EFCC1: variants seen among roughly 807,000 people sequenced by gnomAD.
EFCC1 encodes the protein EF-hand and coiled-coil domain containing 1.
In EFCC1, 50 loss-of-function variants were observed where a neutral mutation model predicts 52.1. The observed-to-expected ratio is 0.96, with a 90% CI of 0.76 to 1.21. The LOEUF (loss-of-function observed/expected upper bound fraction) is 1.21. Ranked by LOEUF, EFCC1 falls within the 50% of genes most tolerant of loss-of-function variation. EFCC1 has a pLI of 0.00. For missense variants in EFCC1, 837 were observed against 867.3 expected, an observed-to-expected ratio of 0.97 and a Z score of 0.44; for synonymous variants, 399 against 396.5, an observed-to-expected ratio of 1.01 and a Z score of -0.08.
chr3:129,036,873 T>C (rs1248120235), intron 5 of EFCC1, 104 bp from the exon 6 acceptor site: 3 of 1,560,546 alleles, frequency 1.9e-6, no homozygotes, highest in East Asian at 4.5e-5. Context: ...ACTCAGCTTC[T>C]CTGGGCCTCA....
intron 2 of EFCC1, among the ~76,000 whole-genome samples, chr3:129,019,127 C>A (rs1191664925): frequency 3.3e-5 from 5 of 152,234 alleles, no homozygotes; most frequent in Non-Finnish European, 7.3e-5. Context: ...CAGCTGGCCC[C>A]AGTGTGTTCT....
chr3:129,009,350 A>T (rs1395021963), intron 2 of EFCC1, among the ~76,000 whole-genome samples: 6 of 152,202 alleles, frequency 3.9e-5, no homozygotes, highest in Non-Finnish European at 8.8e-5. Flanking sequence ...ACCACGATAT[A>T]CTGAAGTTCT....
chr3:129,015,566 C>T (rs1945540064), intron 2 of EFCC1, among the ~76,000 whole-genome samples: 2 of 151,930 alleles, frequency 1.3e-5, no homozygotes, highest in Non-Finnish European at 2.9e-5. Flanking sequence ...TCACCCAGCC[C>T]AGGCTGACAC....
intron 2 of EFCC1, among the ~76,000 whole-genome samples, chr3:129,006,322 G>A (rs914433612): frequency 3.3e-5 from 5 of 152,084 alleles, no homozygotes; most frequent in South Asian, 2.1e-4. Context: ...TTTTTTGTTC[G>A]TTTGTTTGTT....
At chr3:129,002,984 G>A (rs533537156) in intron 1 of EFCC1, among the ~76,000 whole-genome samples, 1 of 152,162 alleles carries the variant, frequency 6.6e-6, no homozygotes, top group Non-Finnish European at 1.5e-5. Flanking sequence ...GGGAGCCGTC[G>A]ACAAACACTT....
intron 2 of EFCC1, among the ~76,000 whole-genome samples, chr3:129,027,125 A>C (rs1282267852): frequency 6.6e-6 from 1 of 151,834 alleles, no homozygotes; most frequent in Non-Finnish European, 1.5e-5. Flanking sequence ...TCAGGCAGTC[A>C]GCGAAACGCC....
At chr3:129,019,359 G>C (rs1364974188) in intron 2 of EFCC1, among the ~76,000 whole-genome samples, 1 of 152,218 alleles carries the variant, frequency 6.6e-6, no homozygotes, top group African/African-American at 2.4e-5. Context: ...TTTAGCGAGG[G>C]CTGGCTACCT....
intron 3 of EFCC1, among the ~76,000 whole-genome samples, chr3:129,032,336 G>A (rs1946288699): frequency 1.3e-5 from 2 of 151,986 alleles, no homozygotes; most frequent in African/African-American, 4.8e-5. Flanking sequence ...AACAGGGCCT[G>A]GCTTGTGTCA....
At position 129,038,889 on chromosome 3, in the gene EFCC1, A is replaced by T. The variant is rs746292150; in HGVS notation, c.1652A>T (p.Asp551Val). The T allele has an allele frequency of 1.3e-5, 21 of 1,613,722 alleles. No homozygotes were observed. In the Admixed American group the frequency reaches 2.5e-4, roughly 19 times the overall value. Residue 551 changes from aspartate (D) to valine (V), a missense_variant, in exon 7 of 8, where the codon GAC becomes GTC. Asp to Val is a radical substitution (Grantham distance 152). Transcript: ENST00000683648. Reference protein sequence around the residue: ...ILLSTLDAFRDPTHEGRPSPA... With the variant: ...ILLSTLDAFRVPTHEGRPSPA... ...CTGAGCACGCTGGACGCTTTCAGGGACCCCACCCACGGTAGGAGAGCACCC... is the reference window on the plus strand; with the variant it reads ...CTGAGCACGCTGGACGCTTTCAGGGTCCCCACCCACGGTAGGAGAGCACCC...
In EFCC1 at chr3:129,001,644, A is replaced by G. The variant is rs1871951; in HGVS notation, c.16A>G (p.Thr6Ala). MEPVS[T>A]GAEAGMEGAG... ...CGGCGCAGCGATGGAGCCGGTCAGC[A>G]CGGGCGCGGAGGCCGGCATGGAGGG... Residue 6 changes from threonine to alanine, a missense_variant, in exon 1 of 8, where the codon ACG becomes GCG. Transcript: ENST00000683648. The G allele has an allele frequency of 0.59, 818,868 of 1,384,486 alleles. 246,653 individuals are homozygous for G. Among genetic ancestry groups the G allele is most frequent in the African/African-American group, 0.92 (60,296 of 65,690 alleles). The allele number at this position is 1,384,486 out of a possible 1,614,324, so 85.8% of individuals were successfully genotyped here. A position where few individuals can be genotyped will look rare whatever the true frequency, so the allele number is the denominator to read the frequency against.
intron 2 of EFCC1, among the ~76,000 whole-genome samples, chr3:129,008,498 G>C (rs924820886): frequency 1.3e-5 from 2 of 152,244 alleles, no homozygotes; most frequent in Non-Finnish European, 1.5e-5. Context: ...CCACCATCTT[G>C]ACCAGCAGCC....
At chr3:129,002,606 G>A (rs1576688610) in intron 1 of EFCC1, 3 of 501,780 alleles carry the variant, frequency 6.0e-6, no homozygotes, top group Non-Finnish European at 6.6e-6. Flanking sequence ...ACATCATCGC[G>A]TCTTGCCCCT....
rs765602893 is a variant in EFCC1 at position 129,032,844 on chromosome 3, C to A, written c.1164C>A (p.Ser388=). ...CAGTGGACGAGCAGCTGTTCCGCTCCGTGGAGGGCCAGGCCGCCTCTGACG... is the reference window on the plus strand; with the variant it reads ...CAGTGGACGAGCAGCTGTTCCGCTCAGTGGAGGGCCAGGCCGCCTCTGACG... ...DEAVDEQLFR[S]VEGQAASDEE... Residue 388 remains serine (S), a synonymous_variant, in exon 4 of 8, where the codon TCC becomes TCA. Transcript: ENST00000683648. 2.2e-5 allele frequency: 34 copies of A among 1,551,292 alleles called. No homozygotes were observed. The highest frequency in any genetic ancestry group is 3.4e-4 in the Middle Eastern group (2 of 5,840).
intron 4 of EFCC1, 71 bp from the exon 5 acceptor site, chr3:129,034,093 C>G (rs1323038770): frequency 6.3e-7 from 1 of 1,588,900 alleles, no homozygotes; most frequent in Non-Finnish European, 8.6e-7. Context: ...CCACCACCAC[C>G]TCTCCAAGGC....
chr3:129,032,896 C>A lies in EFCC1; in HGVS notation c.1216C>A (p.Gln406Lys). The A allele has an allele frequency of 6.4e-7, 1 of 1,551,308 alleles. No homozygotes were observed. The highest frequency in any genetic ancestry group is 8.7e-7 in the Non-Finnish European group (1 of 1,146,888). Residue 406 changes from glutamine (Q) to lysine (K), a missense_variant, in exon 4 of 8, where the codon CAG becomes AAG. Coordinates refer to ENST00000683648, the MANE Select transcript of EFCC1 (RefSeq NM_001377500.1). ...DEEEVEEERW[Q>K]EEKKTPAAEA... ...GGAGGAGGTGGAGGAGGAGAGGTGG[C>A]AGGAGGAGAAGAAGACGCCGGCAGC...
intron 2 of EFCC1, among the ~76,000 whole-genome samples, chr3:129,016,581 A>C (rs1393434507): frequency 6.6e-6 from 1 of 151,808 alleles, no homozygotes; most frequent in Non-Finnish European, 1.5e-5. Context: ...TGTGGATTCC[A>C]GACTCATTTA....
In EFCC1 at chr3:129,034,212, C is replaced by G. The variant is rs144276832; in HGVS notation, c.1335C>G (p.Phe445Leu). The G allele has an allele frequency of 1.9e-6, 3 of 1,614,220 alleles. No individual in the cohort carries two copies. Among genetic ancestry groups the G allele is most frequent in the Non-Finnish European group, 2.5e-6 (3 of 1,180,044 alleles). The change falls in exon 5 of 8, where the codon TTC becomes TTG. Residue 445 changes from phenylalanine to leucine, a missense_variant. Coordinates refer to ENST00000683648, the MANE Select transcript of EFCC1 (RefSeq NM_001377500.1). Reference protein sequence around the residue: ...AEKLMTYFGHFGGANHAHTLG... With the variant: ...AEKLMTYFGHLGGANHAHTLG... Reference sequence around the variant, plus strand: ...AGCTCATGACTTACTTTGGTCACTTCGGCGGTGCCAACCATGCCCATACCC... The same window carrying G: ...AGCTCATGACTTACTTTGGTCACTTGGGCGGTGCCAACCATGCCCATACCC...
intron 2 of EFCC1, among the ~76,000 whole-genome samples, chr3:129,030,250 TAAG>T (rs1238064460): frequency 6.6e-6 from 1 of 152,096 alleles, no homozygotes; most frequent in Non-Finnish European, 1.5e-5. Flanking sequence ...TCCCCTATAA[TAAG>T]AAGTACAGAG....
At chr3:129,023,678 G>A (rs1337652869) in intron 2 of EFCC1, among the ~76,000 whole-genome samples, 1 of 152,194 alleles carries the variant, frequency 6.6e-6, no homozygotes, top group Non-Finnish European at 1.5e-5. Flanking sequence ...TATGGCAAGA[G>A]ATGCTGGGTT....
Sources: allele counts gnomAD v4.1 joint callset (sites outside exome capture counted in the v4.1 genomes callset), GRCh38; gene constraint gnomAD v4.1.1; transcripts MANE v1.5; gene names NCBI Gene and HGNC (gene_info 2026-07-23, HGNC 2026-07-21).